CMSS1: variants seen among roughly 807,000 people sequenced by gnomAD.
CMSS1 encodes the protein cms1 ribosomal small subunit homolog, also known as protein CMSS1.
In CMSS1, 33 loss-of-function variants were observed where a neutral mutation model predicts 43.5. The ratio of observed to expected loss-of-function variants is 0.76; its 90% CI spans 0.57 to 1.01. The LOEUF (loss-of-function observed/expected upper bound fraction) is 1.01, where lower values mean the gene tolerates loss of function less well. CMSS1 is among the 50% of genes least tolerant of loss of function. The probability of loss-of-function intolerance (pLI) is 0.00; values close to 1 mark genes in which losing one functional copy is unlikely to be tolerated. For synonymous variants in CMSS1, 115 were observed against 117.2 expected, an observed-to-expected ratio of 0.98 and a Z score of 0.12; for missense variants, 313 against 326.4, an observed-to-expected ratio of 0.96 and a Z score of 0.32.
At chr3:100,134,005 G>C (rs999554980) in intron 1 of CMSS1, among the ~76,000 whole-genome samples, 1 of 151,980 alleles carries the variant, frequency 6.6e-6, no homozygotes, top group Non-Finnish European at 1.5e-5. Flanking sequence ...AATGCCAAAG[G>C]GTACTCTTAA....
chr3:99,829,086 T>C (rs1388838975), intron 1 of CMSS1, among the ~76,000 whole-genome samples: 1 of 152,128 alleles, frequency 6.6e-6, no homozygotes, highest in Non-Finnish European at 1.5e-5. Context: ...GTATGGGGAA[T>C]GGGAGTTCCT....
rs1706157185 is a variant in CMSS1 at position 99,893,483 on chromosome 3, A to C, written c.64+75440A>C. Among the ~76,000 whole-genome samples the C allele has an allele frequency of 1.3e-5, 2 of 152,084 alleles. 1 individual carries two copies. The highest frequency in any genetic ancestry group is 4.1e-4 in the South Asian group (2 of 4,826). ...CCCAGCCGGCATCTAGACATTTTTTAATAGGCATTTAGTAACAGTAACAAA... is the reference window on the plus strand; with the variant it reads ...CCCAGCCGGCATCTAGACATTTTTTCATAGGCATTTAGTAACAGTAACAAA... On this transcript the variant is annotated intron_variant, in intron 1 of 9. Transcript: ENST00000421999.
intron 1 of CMSS1, among the ~76,000 whole-genome samples, chr3:99,851,361 GT>G (rs1389467133): frequency 2.0e-5 from 3 of 152,214 alleles, no homozygotes; most frequent in Admixed American, 6.5e-5. Flanking sequence ...CATGTAATTA[GT>G]AGGCAGTCTG....
At chr3:99,958,992 C>T (rs1296556666) in intron 1 of CMSS1, among the ~76,000 whole-genome samples, 2 of 151,996 alleles carry the variant, frequency 1.3e-5, no homozygotes, top group Non-Finnish European at 2.9e-5. Flanking sequence ...AATTATCATG[C>T]CTTGGTAACT....
At chr3:100,050,935 A>G (rs1457458781) in intron 1 of CMSS1, among the ~76,000 whole-genome samples, 2 of 152,182 alleles carry the variant, frequency 1.3e-5, no homozygotes, top group African/African-American at 4.8e-5. Flanking sequence ...GTCTTCAAGA[A>G]TTTGATCCAA....
chr3:100,103,763 G>T (rs1559758646), intron 1 of CMSS1, among the ~76,000 whole-genome samples: 1 of 152,158 alleles, frequency 6.6e-6, no homozygotes, highest in Admixed American at 6.6e-5. Flanking sequence ...CACTGGCCTT[G>T]CAATAAACAT....
At chr3:100,081,080 A>G (rs2065924896) in intron 1 of CMSS1, among the ~76,000 whole-genome samples, 1 of 152,214 alleles carries the variant, frequency 6.6e-6, no homozygotes, top group Admixed American at 6.5e-5. Flanking sequence ...TGTTATATCC[A>G]TTAGTCTTGC....
At chr3:99,867,062 G>A (rs1204266616) in intron 1 of CMSS1, among the ~76,000 whole-genome samples, 1 of 152,140 alleles carries the variant, frequency 6.6e-6, no homozygotes, top group African/African-American at 2.4e-5. Context: ...TTCCTTTCCT[G>A]TAAGTTGGGT....
intron 1 of CMSS1, among the ~76,000 whole-genome samples, chr3:99,969,453 T>G (rs116072049): frequency 0.016 from 2,403 of 152,122 alleles, 57 homozygotes; most frequent in African/African-American, 0.054. Context: ...GAAAGCTGAC[T>G]TTTTTTTCCA....
intron 1 of CMSS1, among the ~76,000 whole-genome samples, chr3:99,871,462 G>T (rs1227284537): frequency 3.3e-5 from 5 of 152,136 alleles, no homozygotes; most frequent in African/African-American, 9.7e-5. Flanking sequence ...GACCCTGAAG[G>T]AGTTTATAGT....
chr3:100,003,100 A>G (rs139760901), intron 1 of CMSS1, among the ~76,000 whole-genome samples: 100 of 152,204 alleles, frequency 6.6e-4, no homozygotes, highest in African/African-American at 2.2e-3. Flanking sequence ...TGCCATCCCT[A>G]TTATTCAGCA....
chr3:100,083,578 T>G (rs558367487), intron 1 of CMSS1, among the ~76,000 whole-genome samples: 1 of 152,368 alleles, frequency 6.6e-6, no homozygotes, highest in African/African-American at 2.4e-5. Flanking sequence ...AAATGATTTT[T>G]GCCAAGAAAC....
At chr3:99,862,278 G>A (rs1198946195) in intron 1 of CMSS1, among the ~76,000 whole-genome samples, 1 of 152,140 alleles carries the variant, frequency 6.6e-6, no homozygotes, top group African/African-American at 2.4e-5. Flanking sequence ...AAGTAGGACA[G>A]TGAGACAACA....
At chr3:99,969,529 A>G (rs568983181) in intron 1 of CMSS1, among the ~76,000 whole-genome samples, 6 of 152,328 alleles carry the variant, frequency 3.9e-5, no homozygotes, top group African/African-American at 1.4e-4. Context: ...TAAAGATATT[A>G]GTGAAAGAAT....
chr3:99,879,294 A>G (rs984675255), intron 1 of CMSS1, among the ~76,000 whole-genome samples: 30 of 152,210 alleles, frequency 2.0e-4, no homozygotes, highest in African/African-American at 5.8e-4. Context: ...GCCATATTAT[A>G]TTATGTCAAA....
At chr3:99,898,219 T>C (rs901566688) in intron 1 of CMSS1, 2 of 152,228 alleles carry the variant, frequency 1.3e-5, no homozygotes, top group Admixed American at 1.3e-4. Context: ...GGAAAAAAAG[T>C]ATATCTTTAT....
At chr3:100,003,417 C>T (rs914427249) in intron 1 of CMSS1, among the ~76,000 whole-genome samples, 3 of 152,156 alleles carry the variant, frequency 2.0e-5, no homozygotes, top group African/African-American at 7.2e-5. Context: ...AACCAATGCA[C>T]CTAGAATAAA....
intron 1 of CMSS1, among the ~76,000 whole-genome samples, chr3:99,888,349 G>A (rs560459324): frequency 6.6e-6 from 1 of 152,056 alleles, no homozygotes; most frequent in East Asian, 1.9e-4. Context: ...CTGGGCAACA[G>A]AGTGAGACTC....
At chr3:100,135,107 T>C (rs1274580476) in intron 1 of CMSS1, among the ~76,000 whole-genome samples, 1 of 152,220 alleles carries the variant, frequency 6.6e-6, no homozygotes, top group African/African-American at 2.4e-5. Context: ...GTAAGGATTA[T>C]GTAAGAGCTG....
Sources: allele counts gnomAD v4.1 joint callset (sites outside exome capture counted in the v4.1 genomes callset), GRCh38; gene constraint gnomAD v4.1.1; transcripts MANE v1.5; gene names NCBI Gene and HGNC (gene_info 2026-07-23, HGNC 2026-07-21).